The following SRFBP1 variants were observed in gnomAD, a reference collection of about 807,000 sequenced individuals.
The protein encoded by SRFBP1 is serum response factor-binding protein 1.
In SRFBP1, 47 loss-of-function variants were observed where a neutral mutation model predicts 45.5. That is an observed-to-expected ratio of 1.03 (90% CI 0.82 to 1.32). SRFBP1 has a LOEUF of 1.32. SRFBP1 is among the 40% of genes most tolerant of loss of function. The probability of loss-of-function intolerance (pLI) is 0.00; values close to 1 mark genes in which losing one functional copy is unlikely to be tolerated. For synonymous variants in SRFBP1, 203 were observed against 166.3 expected (o/e 1.22, Z -1.70); for missense variants, 621 against 484.6 (o/e 1.28, Z -2.64).
intron 3 of SRFBP1, among the ~76,000 whole-genome samples, chr5:121,986,082 T>A (rs1393622964): frequency 1.3e-5 from 2 of 151,712 alleles, no homozygotes; most frequent in African/African-American, 4.8e-5. Context: ...AAAGGAAGAG[T>A]ACCAAGGACA....
rs539718280 is a variant in SRFBP1 at position 121,976,319 on chromosome 5, A to G, written c.198+932A>G. ...CCTTCCCTCTGCTGCACACTATTATAAAATTCATGGAATCCATCTGATATA... is the reference window on the plus strand; with the variant it reads ...CCTTCCCTCTGCTGCACACTATTATGAAATTCATGGAATCCATCTGATATA... On this transcript the variant is annotated intron_variant, in intron 3 of 7. Transcript: ENST00000339397. 3.9e-5 allele frequency among the ~76,000 whole-genome samples: 6 copies of G among 152,012 alleles called. No homozygotes were observed. The South Asian group carries it at 1.2e-3, about 32-fold the overall frequency.
chr5:121,990,130 C>T (rs767830119), intron 3 of SRFBP1, among the ~76,000 whole-genome samples: 1 of 152,140 alleles, frequency 6.6e-6, no homozygotes, highest in African/African-American at 2.4e-5. Flanking sequence ...TCTGTGTTCA[C>T]GGCTGCACTA....
chr5:122,076,828 C>G, downstream of SRFBP1: 1 of 1,427,580 alleles, frequency 7.0e-7, no homozygotes, highest in East Asian at 2.3e-5. Flanking sequence ...GCAGTCAGAA[C>G]CAGGCACCAG....
chr5:122,020,043 A>G (rs751988206), intron 5 of SRFBP1, 45 bp from the exon 6 acceptor site: 3 of 1,322,860 alleles, frequency 2.3e-6, no homozygotes, highest in Admixed American at 2.5e-5. Context: ...GTCATGTTTT[A>G]TATGTTTCAG....
chr5:122,060,204 A>C (rs942249885), intron 2 of SRFBP1, among the ~76,000 whole-genome samples: 1 of 152,082 alleles, frequency 6.6e-6, no homozygotes, highest in Admixed American at 6.6e-5. Flanking sequence ...GGCCTTAGAT[A>C]CTATGAATAA....
At chr5:122,055,790 T>A in intron 2 of SRFBP1, among the ~76,000 whole-genome samples, 1 of 152,214 alleles carries the variant, frequency 6.6e-6, no homozygotes, top group South Asian at 2.1e-4. Flanking sequence ...ACAATGAGGA[T>A]GGTTGCTATT....
intron 4 of SRFBP1, among the ~76,000 whole-genome samples, chr5:121,997,131 C>T (rs1452145683): frequency 2.1e-5 from 3 of 142,810 alleles, no homozygotes; most frequent in Non-Finnish European, 4.5e-5. Context: ...ATCAAGCTAC[C>T]AATGACTTTC....
At chr5:122,022,325 A>T (rs1358159074) in intron 6 of SRFBP1, 45 bp from the exon 7 acceptor site, 1 of 1,523,366 alleles carries the variant, frequency 6.6e-7, no homozygotes, top group African/African-American at 1.4e-5. Context: ...TTAAGATCAG[A>T]GGATTTATCT....
At chr5:122,019,892 G>A (rs779768521) in intron 5 of SRFBP1, among the ~76,000 whole-genome samples, 196 bp from the exon 6 acceptor site, 8 of 151,904 alleles carry the variant, frequency 5.3e-5, no homozygotes, top group Non-Finnish European at 7.4e-5. Context: ...AAATGAATAC[G>A]TCTGAGCATA....
intron 7 of SRFBP1, among the ~76,000 whole-genome samples, chr5:122,024,130 C>G (rs1753419603): frequency 6.6e-6 from 1 of 152,168 alleles, no homozygotes; most frequent in African/African-American, 2.4e-5. Context: ...TCTCTGTTCT[C>G]TTTTGTGTAG....
downstream of SRFBP1, among the ~76,000 whole-genome samples, chr5:122,030,407 G>C (rs561371707): frequency 6.6e-6 from 1 of 152,308 alleles, no homozygotes; most frequent in African/African-American, 2.4e-5. Context: ...CAGCCTGGCA[G>C]CCACTGGAGG....
chr5:121,980,185 A>AC (rs1561578891), intron 3 of SRFBP1, among the ~76,000 whole-genome samples: 2 of 152,176 alleles, frequency 1.3e-5, no homozygotes, highest in Non-Finnish European at 2.9e-5. Flanking sequence ...CATAATCTCT[A>AC]ATAATACTGT....
chr5:122,060,514 T>C (rs1326975010), intron 2 of SRFBP1, among the ~76,000 whole-genome samples: 1 of 152,044 alleles, frequency 6.6e-6, no homozygotes, highest in Non-Finnish European at 1.5e-5. Flanking sequence ...ATAAGAGCAA[T>C]TGACTTGATT....
Position 122,020,068 on chromosome 5 carries a change from A to C in SRFBP1, c.353-20A>C. On this transcript the variant is annotated intron_variant, in intron 5 of 7. Coordinates refer to ENST00000339397, the MANE Select transcript of SRFBP1 (RefSeq NM_152546.3). ...ATATGTTTCAGTGCTAAAATGAGTG[A>C]TGCACTGTTTCTCTTGCAGCTGCTG... is the stretch of plus-strand genomic sequence containing the variant. 6.8e-7 allele frequency: 1 copy of C among 1,468,300 alleles called. No individual in the cohort carries two copies. Among genetic ancestry groups the C allele is most frequent in the East Asian group, 2.3e-5 (1 of 43,886 alleles). 91.0% of individuals were successfully genotyped at this position (1,468,300 alleles called of 1,614,324 possible). A position where few individuals can be genotyped will look rare whatever the true frequency, so the allele number is the denominator to read the frequency against.
At chr5:121,970,531 G>A (rs186646408) in intron 1 of SRFBP1, among the ~76,000 whole-genome samples, 3 of 151,108 alleles carry the variant, frequency 2.0e-5, no homozygotes, top group Non-Finnish European at 4.4e-5. Flanking sequence ...TTTATGCAAC[G>A]TGGCCGTTCT....
chr5:122,067,411 A>G (rs974824446), intron 2 of SRFBP1, among the ~76,000 whole-genome samples: 4 of 152,092 alleles, frequency 2.6e-5, no homozygotes, highest in Non-Finnish European at 5.9e-5. Flanking sequence ...GGGTACATTA[A>G]CAGCACATAC....
intron 2 of SRFBP1, among the ~76,000 whole-genome samples, chr5:122,060,020 G>C (rs1754146181): frequency 6.6e-6 from 1 of 152,064 alleles, no homozygotes; most frequent in African/African-American, 2.4e-5. Flanking sequence ...AAGGAACTTG[G>C]ATCTTCTCTC....
intron 3 of SRFBP1, among the ~76,000 whole-genome samples, chr5:121,992,774 T>C (rs1752644274): frequency 6.6e-6 from 1 of 152,178 alleles, no homozygotes. Context: ...AGAGGTATTA[T>C]ATTCCTAAAT....
At chr5:122,065,105 A>T (rs1754265030) in intron 2 of SRFBP1, 1 of 152,084 alleles carries the variant, frequency 6.6e-6, no homozygotes, top group Admixed American at 6.6e-5. Flanking sequence ...GCTCAACAAA[A>T]GCTCTGTCTG....
Sources: gnomAD v4.1 joint callset for allele counts (sites outside exome capture counted in the v4.1 genomes callset) on GRCh38, gnomAD v4.1.1 for gene constraint, MANE v1.5 for transcripts, NCBI Gene and HGNC (gene_info 2026-07-23, HGNC 2026-07-21) for gene names.